RECK: variants seen among roughly 807,000 people sequenced by gnomAD.
The protein encoded by RECK is reversion-inducing cysteine-rich protein with Kazal motifs.
A neutral mutation model predicts 115.1 loss-of-function variants in RECK; 69 were observed. The ratio of observed to expected loss-of-function variants is 0.60; its 90% CI spans 0.49 to 0.73. The LOEUF (loss-of-function observed/expected upper bound fraction) is 0.73, where lower values mean the gene tolerates loss of function less well. Among genes scored for constraint, RECK ranks in the 30% least tolerant of loss-of-function variants. The pLI is 0.00. For missense variants in RECK, 1,047 were observed against 1,203.7 expected (o/e 0.87, Z 1.93); for synonymous variants, 414 against 419.7 (o/e 0.99, Z 0.17).
chr9:36,043,760 A>G (rs1447029295), intron 1 of RECK, among the ~76,000 whole-genome samples: 2 of 152,020 alleles, frequency 1.3e-5, no homozygotes, highest in African/African-American at 4.8e-5. Context: ...TCCCAGCACC[A>G]TTTGTTGAGT....
Position 36,036,944 on chromosome 9 carries a change from C to A in RECK, c.-55C>A. Reference sequence around the variant, plus strand: ...GCGGCGGCGGTAGCGGCGGCAGCGGCTGCGGCCAAGCTGGGTCCGAGCATC... The same window carrying A: ...GCGGCGGCGGTAGCGGCGGCAGCGGATGCGGCCAAGCTGGGTCCGAGCATC... On this transcript the variant is annotated 5_prime_UTR_variant, in exon 1 of 21. It adds an upstream start codon to the 5' untranslated region. Transcript: ENST00000377966. 1.7e-6 allele frequency: 2 copies of A among 1,194,812 alleles called. No homozygotes were observed. Among genetic ancestry groups the A allele is most frequent in the Non-Finnish European group, 2.1e-6 (2 of 935,248 alleles). 74.0% of individuals were successfully genotyped at this position (1,194,812 alleles called of 1,614,324 possible).
intron 6 of RECK, among the ~76,000 whole-genome samples, chr9:36,077,106 A>G (rs949506318): frequency 1.3e-5 from 2 of 152,124 alleles, no homozygotes; most frequent in African/African-American, 4.8e-5. Context: ...CAGCACCCCT[A>G]TAGTTTTGAC....
At chr9:36,107,876 G>T in intron 13 of RECK, 100 bp from the exon 14 acceptor site, 1 of 803,048 alleles carries the variant, frequency 1.2e-6, no homozygotes, top group Admixed American at 2.7e-5. Context: ...CTTTAATAGT[G>T]ATTTAGTACC....
chr9:36,091,710 T>C (rs1823160319), intron 10 of RECK, among the ~76,000 whole-genome samples: 1 of 152,060 alleles, frequency 6.6e-6, no homozygotes, highest in Non-Finnish European at 1.5e-5. Flanking sequence ...TTGAGACTGG[T>C]TGAGGTTTCT....
intron 1 of RECK, among the ~76,000 whole-genome samples, chr9:36,038,088 G>A (rs1432475782): frequency 6.6e-6 from 1 of 151,390 alleles, no homozygotes; most frequent in East Asian, 1.9e-4. Flanking sequence ...GGAGGCGGGC[G>A]GATCCCTTGA....
intron 3 of RECK, 87 bp from the exon 4 acceptor site, chr9:36,060,032 T>A: frequency 8.2e-7 from 1 of 1,218,364 alleles, no homozygotes; most frequent in Non-Finnish European, 1.2e-6. Flanking sequence ...ATAATCAAAT[T>A]AGCTGTTCAT....
In RECK at chr9:36,112,304, G is replaced by C. The variant is rs1456608360; in HGVS notation, c.1889-1G>C. The C allele has an allele frequency of 1.9e-6, 3 of 1,612,734 alleles. No individual in the cohort carries two copies. Among genetic ancestry groups the C allele is most frequent in the Non-Finnish European group, 2.5e-6 (3 of 1,179,872 alleles). On this transcript the variant is annotated splice_acceptor_variant, in intron 15 of 20. Transcript: ENST00000377966. LOFTEE classifies it high-confidence loss of function. ...TTTTTGAGGCTGTTTCCTCTCCTCAGGTCTGCCCTGTAACTGTGCAGATCA... is the reference window on the plus strand; with the variant it reads ...TTTTTGAGGCTGTTTCCTCTCCTCACGTCTGCCCTGTAACTGTGCAGATCA...
chr9:36,036,945 T>TGC lies in RECK; in HGVS notation c.-52_-51dup, dbSNP rs2132536206. The TGC allele has an allele frequency of 8.4e-7, 1 of 1,191,246 alleles. No homozygotes were observed. Among genetic ancestry groups the TGC allele is most frequent in the East Asian group, 3.3e-5 (1 of 30,072 alleles). 73.8% of individuals were successfully genotyped at this position (1,191,246 alleles called of 1,614,324 possible). On this transcript the variant is annotated 5_prime_UTR_variant, in exon 1 of 21. Transcript: ENST00000377966. ...CGGCGGCGGTAGCGGCGGCAGCGGC[T>TGC]GCGGCCAAGCTGGGTCCGAGCATCC...
intron 10 of RECK, among the ~76,000 whole-genome samples, chr9:36,093,276 G>A (rs1027779579): frequency 6.6e-6 from 1 of 152,106 alleles, no homozygotes; most frequent in Non-Finnish European, 1.5e-5. Flanking sequence ...AAAGTATCAT[G>A]CATAATGTCC....
intron 1 of RECK, among the ~76,000 whole-genome samples, chr9:36,044,456 G>T (rs1490972614): frequency 1.3e-5 from 2 of 152,026 alleles, no homozygotes; most frequent in East Asian, 1.9e-4. Flanking sequence ...TACCAATTTG[G>T]ATGCCCTTGA....
At chr9:36,106,209 CAAA>C (rs76229325) in intron 13 of RECK, among the ~76,000 whole-genome samples, 8 of 54,826 alleles carry the variant, frequency 1.5e-4, no homozygotes, top group East Asian at 1.3e-3. Context: ...GACTCCGTCT[CAAA>C]AAAAAAAAAA....
In RECK at chr9:36,117,224, G is replaced by A; in HGVS notation, c.2253+47G>A. 3 of 1,465,620 alleles carry A rather than the reference G, an allele frequency of 2.0e-6. No individual in the cohort carries two copies. The East Asian group carries it at 7.0e-5, about 34-fold the overall frequency. 90.8% of individuals were successfully genotyped at this position (1,465,620 alleles called of 1,614,324 possible). A position where few individuals can be genotyped will look rare whatever the true frequency, so the allele number is the denominator to read the frequency against. ...AACAAAGTACACTACGGATAAAATT[G>A]GTTTATGATATTTTACAGATGAATC... On this transcript the variant is annotated intron_variant, in intron 17 of 20. Coordinates refer to ENST00000377966, the MANE Select transcript of RECK (RefSeq NM_021111.3).
chr9:36,102,308 G>A, intron 12 of RECK, 78 bp downstream of exon 12: 1 of 1,265,916 alleles, frequency 7.9e-7, no homozygotes. Flanking sequence ...TATTTGTTTT[G>A]GATGAGCATT....
chr9:36,077,774 G>A (rs1203022604), intron 6 of RECK, among the ~76,000 whole-genome samples: 4 of 152,186 alleles, frequency 2.6e-5, no homozygotes, highest in Non-Finnish European at 5.9e-5. Flanking sequence ...ATCAAGGGAA[G>A]CAACTGTGCC....
In RECK at chr9:36,118,947, G is replaced by A. The variant is rs1280115855; in HGVS notation, c.2444G>A (p.Cys815Tyr). 1 of 1,612,658 alleles carries A rather than the reference G, an allele frequency of 6.2e-7. No homozygotes were observed. Among genetic ancestry groups the A allele is most frequent in the Admixed American group, 1.7e-5 (1 of 60,024 alleles). Residue 815 changes from cysteine (C) to tyrosine (Y), a missense_variant, in exon 18 of 21, where the codon TGC becomes TAC. By Grantham distance (194) the Cys-to-Tyr change is radical. Transcript: ENST00000377966. ...VKCPSLLAAG[C>Y]KPIIPPGACC... ...TGTCCTTCGCTCTTGGCAGCTGGAT[G>A]CAAACCCATCATCCCACCGGGTAGG...
Position 36,122,823 on chromosome 9 carries a change from G to A in RECK, c.2695-1G>A. The A allele has an allele frequency of 6.2e-7, 1 of 1,613,666 alleles. No individual in the cohort carries two copies. Among genetic ancestry groups the A allele is most frequent in the Non-Finnish European group, 8.5e-7 (1 of 1,179,608 alleles). Reference sequence around the variant, plus strand: ...TAAGGGAACCTTGTTTCTCCTCACAGATTGAAGCCTGCAATAAAGAAGCAG... The same window carrying A: ...TAAGGGAACCTTGTTTCTCCTCACAAATTGAAGCCTGCAATAAAGAAGCAG... On this transcript the variant is annotated splice_acceptor_variant, in intron 20 of 20. Coordinates refer to ENST00000377966, the MANE Select transcript of RECK (RefSeq NM_021111.3). LOFTEE classifies it high-confidence loss of function.
chr9:36,066,984 G>A lies in RECK; in HGVS notation c.405+1360G>A, dbSNP rs75069109. The A allele has an allele frequency of 3.4e-3, 1,603 of 478,116 alleles. 32 individuals carry two copies. The highest frequency in any genetic ancestry group is 0.03 in the African/African-American group (1,449 of 48,540). The allele number at this position is 478,116 out of a possible 1,614,324, so 29.6% of individuals were successfully genotyped here. A position where few individuals can be genotyped will look rare whatever the true frequency, so the allele number is the denominator to read the frequency against. The stretch of plus-strand genomic sequence containing the variant: ...CAACCATTTTCCAAAAATCTGTATG[G>A]CAAAAGGATCCTTTTGTTTTTATAT... On this transcript the variant is annotated intron_variant, in intron 6 of 20. Coordinates refer to ENST00000377966, the MANE Select transcript of RECK (RefSeq NM_021111.3).
At chr9:36,051,918 A>C (rs561706501) in intron 1 of RECK, among the ~76,000 whole-genome samples, 3 of 152,344 alleles carry the variant, frequency 2.0e-5, no homozygotes, top group Admixed American at 6.5e-5. Flanking sequence ...TATTGGTTTA[A>C]AAATAGCTCT....
Position 36,117,139 on chromosome 9 carries a change from C to G in RECK, c.2215C>G (p.Gln739Glu). The change falls in exon 17 of 21, where the codon CAA becomes GAA. Residue 739 changes from glutamine (Q) to glutamate (E), a missense_variant. Physicochemically the swap from Gln to Glu is conservative, Grantham distance 29. Transcript: ENST00000377966. Reference sequence around the variant, plus strand: ...GCACAACAATCTCTGCACTTTATACCAAAGAGGAAAAAGCCTCTCTTACAA... The same window carrying G: ...GCACAACAATCTCTGCACTTTATACGAAAGAGGAAAAAGCCTCTCTTACAA... ...MEHNNLCTLYQRGKSLSYKGP... is the reference protein window; with the variant it reads ...MEHNNLCTLYERGKSLSYKGP... 6.2e-7 allele frequency: 1 copy of G among 1,612,864 alleles called. No homozygotes were observed. The highest frequency in any genetic ancestry group is 8.5e-7 in the Non-Finnish European group (1 of 1,179,390).
Sources: allele counts gnomAD v4.1 joint callset (sites outside exome capture counted in the v4.1 genomes callset), GRCh38; gene constraint gnomAD v4.1.1; transcripts MANE v1.5; gene names NCBI Gene and HGNC (gene_info 2026-07-23, HGNC 2026-07-21).